The following TMCC1 variants were observed in gnomAD, a reference collection of about 807,000 sequenced individuals.
TMCC1 encodes the protein transmembrane and coiled-coil domain family 1.
A neutral mutation model predicts 52.4 loss-of-function variants in TMCC1; 15 were observed. The ratio of observed to expected loss-of-function variants is 0.29; its 90% CI spans 0.19 to 0.44. The LOEUF is 0.44. Ranked by LOEUF, TMCC1 falls within the 20% of genes least tolerant of loss-of-function variation. TMCC1 has a pLI of 1.00. For synonymous variants in TMCC1, 279 were observed against 301.9 expected (o/e 0.92, Z 0.79); for missense variants, 503 against 806.0 (o/e 0.62, Z 4.55).
At chr3:129,811,007 C>T (rs1165268961) in intron 4 of TMCC1, among the ~76,000 whole-genome samples, 1 of 152,186 alleles carries the variant, frequency 6.6e-6, no homozygotes, top group African/African-American at 2.4e-5. Context: ...TTTAAATGTG[C>T]ATTTGCACAG....
At chr3:129,853,929 A>G (rs181451652) in intron 2 of TMCC1, among the ~76,000 whole-genome samples, 28 of 152,240 alleles carry the variant, frequency 1.8e-4, no homozygotes, top group Middle Eastern at 3.4e-3. Context: ...TCTGCTGACT[A>G]TATCTCCTAA....
At chr3:129,796,866 T>C (rs1001644350) in intron 4 of TMCC1, among the ~76,000 whole-genome samples, 1 of 152,120 alleles carries the variant, frequency 6.6e-6, no homozygotes, top group Non-Finnish European at 1.5e-5. Flanking sequence ...AATATTATTG[T>C]GAGAAAATCA....
rs561837941 is a variant in TMCC1 at position 129,716,459 on chromosome 3, C to A, written c.577-45195G>T. Among the ~76,000 whole-genome samples, 95 of 150,840 alleles carry A rather than the reference C, an allele frequency of 6.3e-4. No homozygotes were observed. The Middle Eastern group carries it at 0.017, about 27-fold the overall frequency. On this transcript the variant is annotated intron_variant, in intron 4 of 6. Coordinates refer to ENST00000393238, the MANE Select transcript of TMCC1 (RefSeq NM_001017395.5). ...ACGCCATTCTCCTGCCTCAGCCTCC[C>A]GAGTAGCTGGGACTACAGGTGCCTG...
At position 129,828,325 on chromosome 3, in the gene TMCC1, T is replaced by A; in HGVS notation, c.54A>T (p.Lys18Asn). 2 of 1,614,112 alleles carry A rather than the reference T, an allele frequency of 1.2e-6. No homozygotes were observed. Among genetic ancestry groups the A allele is most frequent in the Non-Finnish European group, 8.5e-7 (1 of 1,180,008 alleles). ...GCTTTCTGGCCTCTGCATCTTGGGA[T>A]TTGCCTCCAGGATCAGGGTCCTCAA... ...QLFEDPDPGG[K>N]SQDAEARKQT... is the part of the protein sequence containing the mutation. The change falls in exon 4 of 7, where the codon AAA (lysine) becomes AAT (asparagine). Residue 18 changes from lysine to asparagine, a missense_variant. Around this residue, in one of 7 missense-constraint regions of TMCC1, gnomAD observed 217 missense variants for 297.9 expected, o/e 0.73. Coordinates refer to ENST00000393238, the MANE Select transcript of TMCC1 (RefSeq NM_001017395.5). This position sits in a 1 kb window ranked among gnomAD's most constrained non-coding sequence, Gnocchi z 4.1.
chr3:129,663,875 G>A (rs1050572204), intron 5 of TMCC1, among the ~76,000 whole-genome samples: 3 of 152,056 alleles, frequency 2.0e-5, no homozygotes, highest in Non-Finnish European at 4.4e-5. Context: ...TTCCATATAT[G>A]TTATCTCCTT....
chr3:129,799,436 G>C (rs978736731), intron 4 of TMCC1, among the ~76,000 whole-genome samples: 4 of 152,104 alleles, frequency 2.6e-5, no homozygotes, highest in Non-Finnish European at 5.9e-5. Flanking sequence ...TTCAGAGATG[G>C]CATTTCCATA....
intron 1 of TMCC1, among the ~76,000 whole-genome samples, chr3:129,887,410 C>T (rs1185109522): frequency 6.6e-6 from 1 of 151,600 alleles, no homozygotes; most frequent in East Asian, 1.9e-4. Context: ...GGCATGGTGG[C>T]ATGAGCCTGT....
chr3:129,848,076 G>C (rs549041109), intron 2 of TMCC1: 1 of 152,144 alleles, frequency 6.6e-6, no homozygotes, highest in Non-Finnish European at 1.5e-5. Context: ...TCAGACACAC[G>C]TTCTGCAAAT....
chr3:129,745,559 A>G (rs776382943), intron 4 of TMCC1, among the ~76,000 whole-genome samples: 1 of 152,174 alleles, frequency 6.6e-6, no homozygotes, highest in Non-Finnish European at 1.5e-5. Context: ...GATCCTAAGG[A>G]TCTTAGCCAC....
intron 5 of TMCC1, among the ~76,000 whole-genome samples, chr3:129,659,608 C>T (rs2086891929): frequency 6.6e-6 from 1 of 152,162 alleles, no homozygotes; most frequent in Non-Finnish European, 1.5e-5. Flanking sequence ...CAAAAGTCCT[C>T]AGCACTTATT....
chr3:129,861,541 C>T (rs1401201027), intron 2 of TMCC1, among the ~76,000 whole-genome samples: 4 of 152,106 alleles, frequency 2.6e-5, no homozygotes, highest in African/African-American at 7.2e-5. Context: ...ATTAAGATAA[C>T]CCTATTAAAA....
At position 129,670,611 on chromosome 3, in the gene TMCC1, G is replaced by T; in HGVS notation, c.1230C>A (p.Asn410Lys). ...DAGKALGVIS[N>K]FQSSPKYGSE... is the part of the protein sequence containing the mutation. ...TACCATATTTTGGGCTAGACTGAAA[G>T]TTTGAAATCACTCCCAAAGCCTTCC... is the stretch of plus-strand genomic sequence containing the variant. The change falls in exon 5 of 7, where the codon AAC becomes AAA. Residue 410 changes from asparagine to lysine, a missense_variant. By Grantham distance (94) the Asn-to-Lys change is moderately conservative (BLOSUM62 0). Coordinates refer to ENST00000393238, the MANE Select transcript of TMCC1 (RefSeq NM_001017395.5). The T allele has an allele frequency of 6.2e-7, 1 of 1,614,214 alleles. No homozygotes were observed. The highest frequency in any genetic ancestry group is 8.5e-7 in the Non-Finnish European group (1 of 1,180,036).
intron 4 of TMCC1, among the ~76,000 whole-genome samples, chr3:129,791,439 TG>T (rs2056458120): frequency 6.6e-6 from 1 of 152,092 alleles, no homozygotes; most frequent in South Asian, 2.1e-4. Flanking sequence ...GGAAACAGAA[TG>T]GGTTTGCTTG....
chr3:129,863,378 A>G (rs1305923382), intron 2 of TMCC1, among the ~76,000 whole-genome samples: 1 of 152,208 alleles, frequency 6.6e-6, no homozygotes, highest in Non-Finnish European at 1.5e-5. Flanking sequence ...TGGAGAAGTA[A>G]AGCAGTTTGC....
chr3:129,670,855 A>C lies in TMCC1; in HGVS notation c.986T>G (p.Leu329Arg). ...AGTCACCTTTGCTCCTACATCCTTC[A>C]GACCCTGGTGCATGTCCCTGAAGAC... ...KDVFRDMHQG[L>R]KDVGAKVTGF... Residue 329 changes from leucine (L) to arginine (R), a missense_variant, in exon 5 of 7, where the codon CTG (leucine) becomes CGG (arginine). This residue lies in a region of TMCC1 where 73 missense variants were observed against 182.9 expected (regional missense o/e 0.40). Coordinates refer to ENST00000393238, the MANE Select transcript of TMCC1 (RefSeq NM_001017395.5). 1 of 1,614,166 alleles carries C rather than the reference A, an allele frequency of 6.2e-7. No homozygotes were observed. The highest frequency in any genetic ancestry group is 8.5e-7 in the Non-Finnish European group (1 of 1,180,028).
At chr3:129,845,289 T>C (rs1041083593) in intron 2 of TMCC1, among the ~76,000 whole-genome samples, 7 of 151,786 alleles carry the variant, frequency 4.6e-5, no homozygotes, top group African/African-American at 1.7e-4. Context: ...GGATTTTAAA[T>C]ATGAACCAAT....
Position 129,828,351 on chromosome 3 carries a change from A to G in TMCC1, c.28T>C (p.Phe10Leu). ...TTGCCTCCAGGATCAGGGTCCTCAA[A>G]TAACTGTTCACTGCCCGAAGGCTCC... The part of the protein sequence containing the change: MEPSGSEQL[F>L]EDPDPGGKSQ... Residue 10 changes from phenylalanine (F) to leucine (L), a missense_variant, in exon 4 of 7, where the codon TTT becomes CTT. Phe to Leu is a conservative substitution (Grantham distance 22, BLOSUM62 0). This residue lies in a region of TMCC1 where 217 missense variants were observed against 297.9 expected (regional missense o/e 0.73). Coordinates refer to ENST00000393238, the MANE Select transcript of TMCC1 (RefSeq NM_001017395.5). This position sits in a 1 kb window ranked among gnomAD's most constrained non-coding sequence, Gnocchi z 4.1. 3 of 1,613,992 alleles carry G rather than the reference A, an allele frequency of 1.9e-6. No homozygotes were observed. The highest frequency in any genetic ancestry group is 1.7e-6 in the Non-Finnish European group (2 of 1,179,984).
chr3:129,734,388 G>A (rs1187182795), intron 4 of TMCC1, among the ~76,000 whole-genome samples: 1 of 152,098 alleles, frequency 6.6e-6, no homozygotes, highest in Non-Finnish European at 1.5e-5. Context: ...AAAACTATAT[G>A]TTTTTTTATG....
chr3:129,755,140 T>C (rs562798188), intron 4 of TMCC1, among the ~76,000 whole-genome samples: 42 of 151,726 alleles, frequency 2.8e-4, no homozygotes, highest in African/African-American at 8.9e-4. Context: ...CAAAAACATA[T>C]GATAAAGAAA....
Sources: gnomAD v4.1 joint callset for allele counts (sites outside exome capture counted in the v4.1 genomes callset) on GRCh38, gnomAD v4.1.1 for gene constraint, gnomAD v4.1.1 regional missense constraint, Gnocchi (gnomAD v3.1) non-coding constraint, MANE v1.5 for transcripts, NCBI Gene and HGNC (gene_info 2026-07-23, HGNC 2026-07-21) for gene names.